Variants in NPAS3 observed in about 807,000 individuals in gnomAD.
NPAS3 encodes the protein neuronal PAS domain protein 3, also known as neuronal PAS domain-containing protein 3.
A neutral mutation model predicts 73.1 loss-of-function variants in NPAS3; 14 were observed. The ratio of observed to expected loss-of-function variants is 0.19; its 90% CI spans 0.13 to 0.30. The LOEUF (loss-of-function observed/expected upper bound fraction) is 0.30. Ranked by LOEUF, NPAS3 falls within the 10% of genes least tolerant of loss-of-function variation. The pLI is 1.00. For synonymous variants in NPAS3, 620 were observed against 541.5 expected (o/e 1.14, Z -2.01); for missense variants, 1,096 against 1,250.0 (o/e 0.88, Z 1.86).
chr14:33,147,754 T>TATATATATATATATATATACAC (rs368950295), intron 2 of NPAS3, among the ~76,000 whole-genome samples: 2 of 142,444 alleles, frequency 1.4e-5, no homozygotes, highest in Admixed American at 6.9e-5. Context: ...TATATATATA[T>TATATATATATATATATATACAC]ACACACAAAA....
At chr14:33,172,355 A>G (rs943678293) in intron 2 of NPAS3, among the ~76,000 whole-genome samples, 1 of 152,170 alleles carries the variant, frequency 6.6e-6, no homozygotes, top group East Asian at 1.9e-4. Flanking sequence ...TCATTTTTGT[A>G]TTCCTAGCCT....
chr14:33,745,117 C>G (rs1354222136), intron 7 of NPAS3, among the ~76,000 whole-genome samples: 2 of 151,782 alleles, frequency 1.3e-5, no homozygotes, highest in Non-Finnish European at 2.9e-5. Context: ...GGCATGGTGG[C>G]ACACTCCTAT....
chr14:33,712,564 T>G (rs1566455514), intron 6 of NPAS3, among the ~76,000 whole-genome samples: 1 of 152,200 alleles, frequency 6.6e-6, no homozygotes, highest in Admixed American at 6.5e-5. Flanking sequence ...AATCCCTGCC[T>G]TAATCACGTA....
At chr14:33,295,306 G>A (rs8007408) in intron 3 of NPAS3, among the ~76,000 whole-genome samples, 87,714 of 151,974 alleles carry the variant, frequency 0.58, 25,610 homozygotes, top group Middle Eastern at 0.69. Flanking sequence ...CCTAAAGTTG[G>A]TGTTTTCAAT....
intron 4 of NPAS3, among the ~76,000 whole-genome samples, chr14:33,551,259 T>C (rs2055099598): frequency 6.6e-6 from 1 of 152,232 alleles, no homozygotes; most frequent in African/African-American, 2.4e-5. Context: ...GGTCTCTAAA[T>C]GGTCTTTTAA....
intron 5 of NPAS3, among the ~76,000 whole-genome samples, chr14:33,573,971 G>A (rs981951722): frequency 1.3e-5 from 2 of 152,210 alleles, no homozygotes; most frequent in African/African-American, 4.8e-5. Flanking sequence ...GTGGTGGAAA[G>A]CAAGAAGGAA....
At chr14:33,753,426 C>A (rs2062023267) in intron 7 of NPAS3, among the ~76,000 whole-genome samples, 1 of 151,514 alleles carries the variant, frequency 6.6e-6, no homozygotes, top group Admixed American at 6.6e-5. Context: ...CCAAGCCTTT[C>A]ACGTGTAACT....
chr14:33,328,691 A>C (rs2043835766), intron 3 of NPAS3, among the ~76,000 whole-genome samples: 1 of 151,306 alleles, frequency 6.6e-6, no homozygotes, highest in Admixed American at 6.6e-5. Context: ...CCTCCTGACC[A>C]CGTGATCCTC....
At chr14:33,321,710 C>A (rs766334641) in intron 3 of NPAS3, among the ~76,000 whole-genome samples, 4 of 151,866 alleles carry the variant, frequency 2.6e-5, no homozygotes, top group African/African-American at 9.7e-5. Flanking sequence ...TGGGTTAATG[C>A]ACATATTGAG....
intron 5 of NPAS3, among the ~76,000 whole-genome samples, chr14:33,582,323 A>G (rs962028360): frequency 5.9e-5 from 9 of 152,156 alleles, no homozygotes; most frequent in Admixed American, 5.9e-4. Flanking sequence ...GTCTGCTCTA[A>G]ATATGAAAAG....
intron 2 of NPAS3, among the ~76,000 whole-genome samples, chr14:33,191,565 G>A (rs2046172774): frequency 6.6e-6 from 1 of 152,152 alleles, no homozygotes; most frequent in East Asian, 1.9e-4. Context: ...ATCAGCACTA[G>A]ATGAATAGCA....
intron 2 of NPAS3, among the ~76,000 whole-genome samples, chr14:33,106,864 C>T (rs982634803): frequency 6.6e-6 from 1 of 152,154 alleles, no homozygotes; most frequent in African/African-American, 2.4e-5. Context: ...AGATGGATTT[C>T]TCCCTTAACA....
intron 2 of NPAS3, among the ~76,000 whole-genome samples, chr14:33,142,920 G>A (rs193065004): frequency 1.8e-3 from 270 of 151,938 alleles, no homozygotes; most frequent in Non-Finnish European, 2.9e-3. Context: ...TGGCCAACAC[G>A]GTGAAACCCT....
intron 5 of NPAS3, among the ~76,000 whole-genome samples, chr14:33,574,297 G>A (rs566139374): frequency 6.6e-6 from 1 of 152,224 alleles, no homozygotes; most frequent in South Asian, 2.1e-4. Flanking sequence ...GACCTGGCTG[G>A]TATCCTCCTC....
intron 4 of NPAS3, among the ~76,000 whole-genome samples, chr14:33,461,696 CCTTG>C (rs2050272743): frequency 6.6e-6 from 1 of 152,176 alleles, no homozygotes; most frequent in Non-Finnish European, 1.5e-5. Context: ...TGAAATCTGA[CCTTG>C]CACTTAGTAT....
At chr14:33,251,965 C>A (rs1390287563) in intron 3 of NPAS3, among the ~76,000 whole-genome samples, 6 of 151,636 alleles carry the variant, frequency 4.0e-5, no homozygotes, top group African/African-American at 1.2e-4. Context: ...ACGTTTACTT[C>A]TTTATTCATG....
At chr14:33,296,351 T>A (rs981945725) in intron 3 of NPAS3, among the ~76,000 whole-genome samples, 4 of 152,218 alleles carry the variant, frequency 2.6e-5, no homozygotes, top group Non-Finnish European at 2.9e-5. Flanking sequence ...TAAACACACA[T>A]ACACGGCCAC....
intron 11 of NPAS3, 49 bp from the exon 12 acceptor site, chr14:33,799,685 C>T (rs2063623404): frequency 6.5e-7 from 1 of 1,540,700 alleles, no homozygotes; most frequent in Non-Finnish European, 8.7e-7. Context: ...GGTGTCTTCT[C>T]TCTCTTCTCT....
Position 33,006,261 on chromosome 14 carries a change from T to C in NPAS3, c.51-49644T>C, listed in dbSNP as rs963899204. 8.3e-4 allele frequency among the ~76,000 whole-genome samples: 126 copies of C among 152,120 alleles called. 1 individual carries two copies. Among genetic ancestry groups the C allele is most frequent in the African/African-American group, 2.8e-3 (115 of 41,432 alleles). ...GCTGGGCCTAGAGAGAGTGATCACA[T>C]AATTTGTGGTTGTGCCTGGGACATT... On this transcript the variant is annotated intron_variant, in intron 1 of 11. Coordinates refer to ENST00000356141, the Ensembl canonical transcript of NPAS3.
Sources: allele counts gnomAD v4.1 joint callset (sites outside exome capture counted in the v4.1 genomes callset), GRCh38; gene constraint gnomAD v4.1.1; transcripts MANE v1.5; gene names NCBI Gene and HGNC (gene_info 2026-07-23, HGNC 2026-07-21).